The following ST8SIA1 variants were observed in gnomAD, a reference collection of about 807,000 sequenced individuals.
ST8SIA1 encodes alpha-N-acetylneuraminide alpha-2,8-sialyltransferase.
Under a neutral mutation model 35.9 loss-of-function variants are expected in ST8SIA1, and 16 were observed. That is an observed-to-expected ratio of 0.45 (90% CI 0.30 to 0.68). The LOEUF (loss-of-function observed/expected upper bound fraction) is 0.68. Ranked by LOEUF, ST8SIA1 falls within the 30% of genes least tolerant of loss-of-function variation. The pLI is 0.09. For missense variants in ST8SIA1, 383 were observed against 453.6 expected, an observed-to-expected ratio of 0.84 and a Z score of 1.41; for synonymous variants, 170 against 169.6, an observed-to-expected ratio of 1.00 and a Z score of -0.02.
chr12:22,206,468 G>A (rs758264862), intron 4 of ST8SIA1, among the ~76,000 whole-genome samples: 10 of 152,312 alleles, frequency 6.6e-5, no homozygotes, highest in South Asian at 2.1e-4. Flanking sequence ...AATTATCACC[G>A]TGTATGTGGA....
chr12:22,272,089 C>T (rs937809470), intron 2 of ST8SIA1, among the ~76,000 whole-genome samples: 4 of 152,182 alleles, frequency 2.6e-5, no homozygotes, highest in African/African-American at 7.2e-5. Flanking sequence ...CTTCTAAATC[C>T]TTTCTTGCCC....
chr12:22,306,240 A>G (rs1447231606), intron 1 of ST8SIA1, among the ~76,000 whole-genome samples: 2 of 152,198 alleles, frequency 1.3e-5, no homozygotes, highest in African/African-American at 4.8e-5. Context: ...CCTTGGGCAC[A>G]TGTCGTCAGG....
At chr12:22,295,143 A>G (rs1866227825) in intron 1 of ST8SIA1, among the ~76,000 whole-genome samples, 1 of 152,100 alleles carries the variant, frequency 6.6e-6, no homozygotes, top group Non-Finnish European at 1.5e-5. Context: ...AAAATAAATA[A>G]TTTACTTGGG....
intron 1 of ST8SIA1, among the ~76,000 whole-genome samples, chr12:22,296,050 C>T (rs1276075034): frequency 6.6e-6 from 1 of 152,152 alleles, no homozygotes; most frequent in Admixed American, 6.5e-5. Context: ...TGATAGTGGT[C>T]TGTTTTGGGG....
intron 2 of ST8SIA1, among the ~76,000 whole-genome samples, chr12:22,259,286 AG>A (rs201385513): frequency 7.1e-6 from 1 of 140,998 alleles, no homozygotes; most frequent in Non-Finnish European, 1.6e-5. Context: ...ACAAAAGTCC[AG>A]GGGTTTTTTT....
intron 1 of ST8SIA1, among the ~76,000 whole-genome samples, chr12:22,316,015 A>AGT (rs1866515108): frequency 6.6e-6 from 1 of 152,084 alleles, no homozygotes; most frequent in Non-Finnish European, 1.5e-5. Flanking sequence ...AAAAAGATAG[A>AGT]ATTCTAAAAA....
chr12:22,323,806 G>A (rs1485548612), intron 1 of ST8SIA1, among the ~76,000 whole-genome samples: 1 of 152,142 alleles, frequency 6.6e-6, no homozygotes, highest in Non-Finnish European at 1.5e-5. Flanking sequence ...GCTGATCGAT[G>A]AGAACACATG....
chr12:22,216,050 C>T (rs913698494), intron 4 of ST8SIA1, among the ~76,000 whole-genome samples: 1 of 152,190 alleles, frequency 6.6e-6, no homozygotes, highest in African/African-American at 2.4e-5. Flanking sequence ...AGAAAGAACG[C>T]TTTGCTGTAT....
chr12:22,307,099 T>C lies in ST8SIA1; in HGVS notation c.237-19806A>G, dbSNP rs147239728. Among the ~76,000 whole-genome samples, 181 of 152,250 alleles carry C rather than the reference T, an allele frequency of 1.2e-3. 1 individual carries two copies. In the East Asian group the frequency reaches 0.028, roughly 23 times the overall value. On this transcript the variant is annotated intron_variant, in intron 1 of 4. Transcript: ENST00000396037. ...GCTTGTCTGTTTTCTGTGTTTTTTC[T>C]AATGCTTTGTTTGGTCTCTGTTTTT... is the stretch of plus-strand genomic sequence containing the variant.
intron 2 of ST8SIA1, among the ~76,000 whole-genome samples, chr12:22,273,404 A>C (rs1453896370): frequency 6.6e-6 from 1 of 152,164 alleles, no homozygotes; most frequent in Non-Finnish European, 1.5e-5. Context: ...TGAGCCCATA[A>C]AAAGCCCCAG....
chr12:22,299,499 C>T (rs751228758), intron 1 of ST8SIA1, among the ~76,000 whole-genome samples: 2 of 151,970 alleles, frequency 1.3e-5, no homozygotes, highest in African/African-American at 2.4e-5. Context: ...CATGAATAGT[C>T]TGTGTAAGTC....
At chr12:22,205,384 G>C (rs1865095374) in intron 4 of ST8SIA1, among the ~76,000 whole-genome samples, 1 of 151,966 alleles carries the variant, frequency 6.6e-6, no homozygotes, top group Non-Finnish European at 1.5e-5. Context: ...AAATAGAAAT[G>C]ATTAATTTAT....
intron 3 of ST8SIA1, among the ~76,000 whole-genome samples, chr12:22,249,586 T>C (rs1468444159): frequency 5.3e-5 from 8 of 152,162 alleles, no homozygotes; most frequent in Admixed American, 3.9e-4. Flanking sequence ...TAATAGACAT[T>C]GGATGAATAA....
At chr12:22,235,254 A>T (rs1865464314) in intron 4 of ST8SIA1, among the ~76,000 whole-genome samples, 1 of 152,244 alleles carries the variant, frequency 6.6e-6, no homozygotes, top group Admixed American at 6.5e-5. Context: ...CCAGTTGGAA[A>T]GAAAACTTTT....
At chr12:22,221,733 G>A (rs1036440428) in intron 4 of ST8SIA1, among the ~76,000 whole-genome samples, 5 of 152,180 alleles carry the variant, frequency 3.3e-5, no homozygotes, top group Admixed American at 2.6e-4. Flanking sequence ...TTCATTTCAC[G>A]TTGTGATTCA....
chr12:22,243,847 C>T (rs892178110), intron 4 of ST8SIA1, among the ~76,000 whole-genome samples: 4 of 152,116 alleles, frequency 2.6e-5, no homozygotes, highest in African/African-American at 9.7e-5. Context: ...GCCTTGCCAA[C>T]ATGGTGAAAC....
intron 1 of ST8SIA1, among the ~76,000 whole-genome samples, chr12:22,329,205 AG>A (rs1478689935): frequency 6.6e-6 from 1 of 152,230 alleles, no homozygotes; most frequent in East Asian, 1.9e-4. Context: ...CCAAATGAGC[AG>A]GGAACAAGCA....
intron 1 of ST8SIA1, among the ~76,000 whole-genome samples, chr12:22,308,417 G>A (rs1866409940): frequency 6.6e-6 from 1 of 152,012 alleles, no homozygotes; most frequent in Non-Finnish European, 1.5e-5. Context: ...TTCAAAATCG[G>A]TACACACTTA....
At chr12:22,333,559 C>G (rs888969327) in intron 1 of ST8SIA1, among the ~76,000 whole-genome samples, 3 of 152,244 alleles carry the variant, frequency 2.0e-5, no homozygotes, top group African/African-American at 7.2e-5. Context: ...ACGTTGGGGA[C>G]TTATGTTACC....
Sources: allele counts gnomAD v4.1 joint callset (sites outside exome capture counted in the v4.1 genomes callset), GRCh38; gene constraint gnomAD v4.1.1; transcripts MANE v1.5; gene names NCBI Gene and HGNC (gene_info 2026-07-23, HGNC 2026-07-21).